ABCC6: variants seen among roughly 807,000 people sequenced by gnomAD.
ABCC6 encodes ATP-binding cassette sub-family C member 6.
ABCC6 carries 126 observed loss-of-function variants against 169.5 expected under a neutral mutation model. The ratio of observed to expected loss-of-function variants is 0.74; its 90% confidence interval spans 0.64 to 0.86. The LOEUF is 0.86. Among genes scored for constraint, ABCC6 ranks in the 40% least tolerant of loss-of-function variants. The pLI is 0.00. For synonymous variants in ABCC6, 752 were observed against 814.7 expected (o/e 0.92, Z 1.31); for missense variants, 1,733 against 1,927.2 (o/e 0.90, Z 1.89).
At chr16:16,214,480 G>A (rs1596757967) in intron 4 of ABCC6, 31 bp from the exon 5 acceptor site, 1 of 1,551,750 alleles carries the variant, frequency 6.4e-7, no homozygotes, top group East Asian at 2.4e-5. Context: ...GATAAGGAAT[G>A]GAGACAGAGG....
At position 16,168,644 on chromosome 16, in the gene ABCC6, C is replaced by T. The variant is rs191519344; in HGVS notation, c.2995+1002G>A. On this transcript the variant is annotated intron_variant, in intron 22 of 30. Coordinates refer to ENST00000205557, the MANE Select transcript of ABCC6 (RefSeq NM_001171.6). ...TGGGTGTGGTTGCAAAAGGGCAACA[C>T]GAGAGCGCCTCGTGGTGAGGGGGTT... 3.0e-3 allele frequency among the ~76,000 whole-genome samples: 451 copies of T among 152,214 alleles called. 1 individual carries two copies. Among genetic ancestry groups the T allele is most frequent in the African/African-American group, 0.01 (417 of 41,536 alleles).
At chr16:16,221,966 CTAA>C (rs2049090769) in intron 1 of ABCC6, 135 bp from the exon 2 acceptor site, 1 of 1,354,354 alleles carries the variant, frequency 7.4e-7, no homozygotes, top group Non-Finnish European at 1.0e-6. Flanking sequence ...GGAATACCTA[CTAA>C]TTCTCAATTC....
At chr16:16,207,704 G>A (rs542865455) in intron 7 of ABCC6, among the ~76,000 whole-genome samples, 63 of 152,350 alleles carry the variant, frequency 4.1e-4, no homozygotes, top group South Asian at 3.7e-3. Context: ...GTTAAGCAAC[G>A]TGTCCAAGGT....
rs537266194 is a variant in ABCC6, at chr16:16,153,700, T to C, written c.4208+928A>G. Among the ~76,000 whole-genome samples the C allele has an allele frequency of 2.2e-4, 34 of 151,894 alleles. No homozygotes were observed. In the South Asian group the frequency reaches 6.9e-3, roughly 31 times the overall value. On this transcript the variant is annotated intron_variant, in intron 29 of 30. Transcript: ENST00000205557. Reference sequence around the variant, plus strand: ...AGCACTTTGGGAGGCCTACGCAAGTTCGACTGTAGCCTGGGCAACATGGTG... The same window carrying C: ...AGCACTTTGGGAGGCCTACGCAAGTCCGACTGTAGCCTGGGCAACATGGTG...
At position 16,153,572 on chromosome 16, in the gene ABCC6, T is replaced by C. The variant is rs529519344; in HGVS notation, c.4208+1056A>G. Among the ~76,000 whole-genome samples, 10 of 152,198 alleles carry C rather than the reference T, an allele frequency of 6.6e-5. No individual in the cohort carries two copies. In the South Asian group the frequency reaches 1.9e-3, roughly 28 times the overall value. On this transcript the variant is annotated intron_variant, in intron 29 of 30. Coordinates refer to ENST00000205557, the MANE Select transcript of ABCC6 (RefSeq NM_001171.6). ...TTAGGGTTTCATGGGTACAGAGTTG[T>C]AGTTCTGTTGTGTAACAGTGTGAAT... is the stretch of plus-strand genomic sequence containing the variant.
Position 16,150,391 on chromosome 16 carries a change from G to A in ABCC6, c.4404-150C>T, listed in dbSNP as rs965503625. ...TGGCCCTCACAGCTGGGTTGGAAGC[G>A]TGTGCTGGGCGCATGTCCTTGGGCA... On this transcript the variant is annotated intron_variant, in intron 30 of 30. Transcript: ENST00000205557. 91 of 1,521,362 alleles carry A rather than the reference G, an allele frequency of 6.0e-5. 1 individual carries two copies. The highest frequency in any genetic ancestry group is 9.6e-5 in the African/African-American group (7 of 72,610). 94.2% of individuals were successfully genotyped at this position (1,521,362 alleles called of 1,614,324 possible). A position where few individuals can be genotyped will look rare whatever the true frequency, so the allele number is the denominator to read the frequency against.
intron 23 of ABCC6, among the ~76,000 whole-genome samples, chr16:16,163,413 C>T (rs1240111155): frequency 2.0e-5 from 3 of 152,262 alleles, no homozygotes; most frequent in South Asian, 2.1e-4. Flanking sequence ...CTTCAAAAAC[C>T]TCTAATGCCC....
chr16:16,214,270 GGAGACTGA>G (rs1225162076), intron 5 of ABCC6, 46 bp downstream of exon 5: 1 of 1,546,394 alleles, frequency 6.5e-7, no homozygotes, highest in African/African-American at 1.4e-5. Flanking sequence ...GTCACCTGGG[GGAGACTGA>G]GACCTCAAAG....
intron 8 of ABCC6, among the ~76,000 whole-genome samples, 185 bp downstream of exon 8, chr16:16,203,225 C>T (rs1248810049): frequency 1.3e-5 from 2 of 152,192 alleles, no homozygotes; most frequent in Non-Finnish European, 1.5e-5. Context: ...CTTATTTGCC[C>T]TTCTGGGGGT....
At position 16,202,176 on chromosome 16, in the gene ABCC6, AG is replaced by A; in HGVS notation, c.1000del (p.Leu334PhefsTer22). On this transcript the variant is annotated frameshift_variant and splice_region_variant, in exon 9 of 31. Coordinates refer to ENST00000205557, the MANE Select transcript of ABCC6 (RefSeq NM_001171.6). LOFTEE classifies it high-confidence loss of function. Reference protein sequence around the residue: ...FRFTVPKLLSLFLEFIGDPKP... With the variant: ...FRFTVPKLLSXFLEFIGDPKP... ...GGGATCACCAATAAACTCCAGGAAAAGGCTTGCAGGGGAAGGAGGGAGAAGG... is the reference window on the plus strand; with the variant it reads ...GGGATCACCAATAAACTCCAGGAAAAGCTTGCAGGGGAAGGAGGGAGAAGG... The A allele has an allele frequency of 1.2e-6, 2 of 1,611,458 alleles. No homozygotes were observed. Among genetic ancestry groups the A allele is most frequent in the South Asian group, 1.1e-5 (1 of 90,756 alleles).
intron 22 of ABCC6, among the ~76,000 whole-genome samples, chr16:16,168,802 C>T (rs896436479): frequency 6.6e-6 from 1 of 152,032 alleles, no homozygotes; most frequent in Admixed American, 6.6e-5. Flanking sequence ...TCCATAGGGC[C>T]GGGTGCGGGG....
intron 21 of ABCC6, among the ~76,000 whole-genome samples, chr16:16,172,215 A>G (rs200734954): frequency 0.41 from 60 of 148 alleles, 1 homozygote; most frequent in Non-Finnish European, 0.5. Context: ...TAAATGAGTG[A>G]GTGGGATGGA....
chr16:16,159,839 C>G (rs2046659574), intron 25 of ABCC6, among the ~76,000 whole-genome samples: 1 of 152,154 alleles, frequency 6.6e-6, no homozygotes, highest in Non-Finnish European at 1.5e-5. Context: ...TACAAACTGG[C>G]TTGATGCAGG....
In ABCC6 at chr16:16,212,609, C is replaced by T. The variant is rs1310703396; in HGVS notation, c.601-363G>A. 1.3e-5 allele frequency among the ~76,000 whole-genome samples: 2 copies of T among 151,232 alleles called. 1 individual carries two copies. Among genetic ancestry groups the T allele is most frequent in the African/African-American group, 4.9e-5 (2 of 40,574 alleles). On this transcript the variant is annotated intron_variant, in intron 5 of 30. Coordinates refer to ENST00000205557, the MANE Select transcript of ABCC6 (RefSeq NM_001171.6). Reference sequence around the variant, plus strand: ...ACAGGCATGAGCCACTACACCCAGCCCTGACGGTGTATTTAGTACTGAAAG... The same window carrying T: ...ACAGGCATGAGCCACTACACCCAGCTCTGACGGTGTATTTAGTACTGAAAG...
At chr16:16,164,625 C>T (rs1335008122) in intron 23 of ABCC6, among the ~76,000 whole-genome samples, 1 of 152,154 alleles carries the variant, frequency 6.6e-6, no homozygotes, top group African/African-American at 2.4e-5. Flanking sequence ...AGCTAGTGGC[C>T]ATAAGACCTG....
chr16:16,191,241 G>A (rs578170715), intron 11 of ABCC6, among the ~76,000 whole-genome samples: 102 of 152,130 alleles, frequency 6.7e-4, no homozygotes, highest in African/African-American at 2.4e-3. Flanking sequence ...TGAGCTTCCC[G>A]AGTAGCTGGG....
In ABCC6 at chr16:16,163,042, G is replaced by T. The variant is rs762758350; in HGVS notation, c.3457C>A (p.Arg1153Ser). 6.2e-7 allele frequency: 1 copy of T among 1,614,000 alleles called. No homozygotes were observed. Among genetic ancestry groups the T allele is most frequent in the Non-Finnish European group, 8.5e-7 (1 of 1,180,034 alleles). Residue 1153 changes from arginine (R) to serine (S), a missense_variant, in exon 24 of 31, where the codon CGC becomes AGC. Transcript: ENST00000205557. ...CTGATCCTCTGGCTTTCATCTACGC[G>T]AGCATTGTTCTGAGCCACAAAGGGG... ...QAPFVAQNNA[R>S]VDESQRISFP...
At chr16:16,151,817 A>G (rs570023491) in intron 29 of ABCC6, among the ~76,000 whole-genome samples, 12 of 152,222 alleles carry the variant, frequency 7.9e-5, no homozygotes, top group African/African-American at 2.4e-4. Context: ...TGGGTCCATA[A>G]TTTGAACCCA....
At position 16,187,135 on chromosome 16, in the gene ABCC6, G is replaced by A; in HGVS notation, c.1856C>T (p.Ser619Phe). Reference sequence around the variant, plus strand: ...GACTCAGCACTCACCGCTTCCAGAGGAACTTGAGTCTACGACACCAGGGTC... The same window carrying A: ...GACTCAGCACTCACCGCTTCCAGAGAAACTTGAGTCTACGACACCAGGGTC... ...EVDPGVVDSSSSGSAAGKDCI... is the reference protein window; with the variant it reads ...EVDPGVVDSSFSGSAAGKDCI... The change falls in exon 14 of 31, where the codon TCC becomes TTC. Residue 619 changes from serine to phenylalanine, a missense_variant. By Grantham distance (155) the Ser-to-Phe change is radical (BLOSUM62 -2). Around this residue, in one of 5 missense-constraint regions of ABCC6, gnomAD observed 1,601 missense variants for 1,635.5 expected, o/e 0.98. Transcript: ENST00000205557. 3 of 1,613,486 alleles carry A rather than the reference G, an allele frequency of 1.9e-6. No individual in the cohort carries two copies. The highest frequency in any genetic ancestry group is 2.5e-6 in the Non-Finnish European group (3 of 1,179,656).
Sources: gnomAD v4.1 joint callset for allele counts (sites outside exome capture counted in the v4.1 genomes callset) on GRCh38, gnomAD v4.1.1 for gene constraint, gnomAD v4.1.1 regional missense constraint, MANE v1.5 for transcripts, NCBI Gene and HGNC (gene_info 2026-07-23, HGNC 2026-07-21) for gene names.